Variants in CCDC13 observed in about 807,000 individuals in gnomAD.
The protein encoded by CCDC13 is coiled-coil domain containing 13.
A neutral mutation model predicts 87.3 loss-of-function variants in CCDC13; 70 were observed. The observed-to-expected ratio is 0.80, with a 90% CI of 0.66 to 0.98. The LOEUF is 0.98. Among genes scored for constraint, CCDC13 ranks in the 50% least tolerant of loss-of-function variants. The pLI, the probability that CCDC13 is intolerant of heterozygous loss-of-function variation, is 0.00. For missense variants in CCDC13, 842 were observed against 892.0 expected (o/e 0.94, Z 0.71); for synonymous variants, 317 against 360.3 (o/e 0.88, Z 1.36).
At chr3:42,761,183 T>C (rs1410601899) in intron 1 of CCDC13, among the ~76,000 whole-genome samples, 1 of 152,190 alleles carries the variant, frequency 6.6e-6, no homozygotes, top group Admixed American at 6.5e-5. Context: ...ATCCAATTAA[T>C]CATAAATCTT....
At position 42,757,091 on chromosome 3, in the gene CCDC13, T is replaced by C; in HGVS notation, c.345A>G (p.Ile115Met). 1 of 1,614,192 alleles carries C rather than the reference T, an allele frequency of 6.2e-7. No individual in the cohort carries two copies. The highest frequency in any genetic ancestry group is 8.5e-7 in the Non-Finnish European group (1 of 1,180,014). The change falls in exon 3 of 16, where the codon ATA (isoleucine) becomes ATG (methionine). Residue 115 changes from isoleucine (I) to methionine (M), a missense_variant. Coordinates refer to ENST00000310232, the MANE Select transcript of CCDC13 (RefSeq NM_144719.4). The stretch of plus-strand genomic sequence containing the variant: ...CTGTGAAGGCAAATCTGTCCTCTTC[T>C]ATTTTCTTTTTGAGGTGTTTGATTT... ...DFEIKHLKKK[I>M]EEDRFAFTGT...
In CCDC13 at chr3:42,739,869, G is replaced by A. The variant is rs78077670; in HGVS notation, c.988-59C>T. On this transcript the variant is annotated intron_variant, in intron 8 of 15. Transcript: ENST00000310232. The stretch of plus-strand genomic sequence containing the variant: ...GCTGTGTGGGACCTTGGCCACATCT[G>A]CTCCCTGGCTCCTACTCAATGGCAA... The A allele has an allele frequency of 1.2e-3, 1,839 of 1,500,584 alleles. 36 individuals are homozygous for A. In the East Asian group the frequency reaches 0.032, roughly 26 times the overall value. 93.0% of individuals were successfully genotyped at this position (1,500,584 alleles called of 1,614,324 possible). A position where few individuals can be genotyped will look rare whatever the true frequency, so the allele number is the denominator to read the frequency against.
At chr3:42,743,384 ATATTTATTTATTTATTTATTTATT>A (rs66840281) in intron 7 of CCDC13, among the ~76,000 whole-genome samples, 78 of 131,776 alleles carry the variant, frequency 5.9e-4, no homozygotes, top group African/African-American at 2.2e-3. Flanking sequence ...TCAAGAAAGA[ATATTTATTTATTTATTTATTTATT>A]TATTTATTTA....
intron 1 of CCDC13, among the ~76,000 whole-genome samples, chr3:42,772,477 C>T (rs766809554): frequency 6.6e-6 from 1 of 152,016 alleles, no homozygotes; most frequent in Non-Finnish European, 1.5e-5. Flanking sequence ...ACCCCTTGCC[C>T]CATCGGCCTG....
chr3:42,773,074 C>CGCGCTCGGGCTGGGGTT (rs1245837992), intron 1 of CCDC13, 102 bp downstream of exon 1: 1 of 152,232 alleles, frequency 6.6e-6, no homozygotes, highest in Non-Finnish European at 1.5e-5. Flanking sequence ...CCAGTGGCAG[C>CGCGCTCGGGCTGGGGTT]GCGCTCGGGC....
At chr3:42,736,354 G>A (rs948193361) in intron 9 of CCDC13, among the ~76,000 whole-genome samples, 2 of 152,180 alleles carry the variant, frequency 1.3e-5, no homozygotes, top group Non-Finnish European at 2.9e-5. Flanking sequence ...AGACTCCTGG[G>A]CAAAGGCTTC....
rs140850059 is a variant in CCDC13, at chr3:42,758,132, C to G, written c.214G>C (p.Glu72Gln). 1.2e-6 allele frequency: 2 copies of G among 1,613,630 alleles called. No homozygotes were observed. The highest frequency in any genetic ancestry group is 2.2e-5 in the East Asian group (1 of 44,864). Residue 72 changes from glutamate (E) to glutamine (Q), a missense_variant, in exon 2 of 16, where the codon GAG (glutamate) becomes CAG (glutamine). Glu to Gln is a conservative substitution (Grantham distance 29, BLOSUM62 2). Coordinates refer to ENST00000310232, the MANE Select transcript of CCDC13 (RefSeq NM_144719.4). ...AGEPNSKNSF[E>Q]KRVLEDEIEH... ...TTTCAAACTTGCATTTACCTCTTCTCAAAGCTATTTTTCGAGTTTGGCTCC... is the reference window on the plus strand; with the variant it reads ...TTTCAAACTTGCATTTACCTCTTCTGAAAGCTATTTTTCGAGTTTGGCTCC...
chr3:42,723,070 T>G (rs1253825773), intron 13 of CCDC13, among the ~76,000 whole-genome samples: 5 of 152,156 alleles, frequency 3.3e-5, no homozygotes, highest in Non-Finnish European at 7.4e-5. Flanking sequence ...GTGCTGGGAT[T>G]ACAGGCGTGA....
chr3:42,772,706 C>G (rs1047703937), intron 1 of CCDC13, among the ~76,000 whole-genome samples: 1 of 152,074 alleles, frequency 6.6e-6, no homozygotes, highest in Admixed American at 6.6e-5. Context: ...GGCTGGACTC[C>G]GGGCTTGGAG....
intron 9 of CCDC13, among the ~76,000 whole-genome samples, chr3:42,736,768 C>G (rs1405364449): frequency 6.6e-6 from 1 of 152,036 alleles, no homozygotes; most frequent in Non-Finnish European, 1.5e-5. Context: ...CCCAGCCAAG[C>G]CAGACATGAT....
chr3:42,746,995 A>G (rs1283436228), intron 6 of CCDC13: 1 of 577,316 alleles, frequency 1.7e-6, no homozygotes, highest in Non-Finnish European at 3.1e-6. Context: ...CTCAGTCTAG[A>G]GCTGGGCAGG....
At position 42,707,680 on chromosome 3, in the gene CCDC13, G is replaced by A. The variant is rs1392007012; in HGVS notation, c.*1300C>T. ...CACAAGTGGCTATGTCTTCACGTGTGGGAATGTGTGTCCACATCCACATGT... is the reference window on the plus strand; with the variant it reads ...CACAAGTGGCTATGTCTTCACGTGTAGGAATGTGTGTCCACATCCACATGT... On this transcript the variant is annotated 3_prime_UTR_variant, in exon 16 of 16. Coordinates refer to ENST00000310232, the MANE Select transcript of CCDC13 (RefSeq NM_144719.4). Among the ~76,000 whole-genome samples the A allele has an allele frequency of 6.6e-6, 1 of 152,242 alleles. No homozygotes were observed. Among genetic ancestry groups the A allele is most frequent in the African/African-American group, 2.4e-5 (1 of 41,472 alleles).
Position 42,709,075 on chromosome 3 carries a change from T to A in CCDC13, c.2053A>T (p.Lys685Ter). Residue 685 changes from lysine to a stop codon, truncating the protein, a stop_gained, in exon 16 of 16, where the codon AAG becomes TAG. Transcript: ENST00000310232. LOFTEE classifies it high-confidence loss of function. ...TGGTACATCCGGAAGTCCTCCTCCTTTCCCCGCAGGGCACTGCCCAGGGCA... is the reference window on the plus strand; with the variant it reads ...TGGTACATCCGGAAGTCCTCCTCCTATCCCCGCAGGGCACTGCCCAGGGCA... ...KAALGSALRG[K>*]EEDFRMYHEI... The A allele has an allele frequency of 6.2e-7, 1 of 1,613,952 alleles. No homozygotes were observed. The highest frequency in any genetic ancestry group is 8.5e-7 in the Non-Finnish European group (1 of 1,179,886).
chr3:42,715,705 T>C (rs1698415998), intron 13 of CCDC13, among the ~76,000 whole-genome samples: 1 of 152,254 alleles, frequency 6.6e-6, no homozygotes, highest in South Asian at 2.1e-4. Flanking sequence ...TAAACTGTAT[T>C]GGTCAGTGCA....
intron 8 of CCDC13, among the ~76,000 whole-genome samples, chr3:42,742,525 AGCC>A (rs1699253291): frequency 6.6e-6 from 1 of 152,154 alleles, no homozygotes; most frequent in South Asian, 2.1e-4. Context: ...TGTTGAGTCC[AGCC>A]TGCCTACCTC....
At chr3:42,734,850 G>T (rs1698954686) in intron 10 of CCDC13, among the ~76,000 whole-genome samples, 1 of 152,226 alleles carries the variant, frequency 6.6e-6, no homozygotes, top group South Asian at 2.1e-4. Context: ...ACTCCTAGCA[G>T]CCCCAAGCTG....
chr3:42,723,682 T>A (rs1468251839), intron 13 of CCDC13, among the ~76,000 whole-genome samples: 1 of 152,186 alleles, frequency 6.6e-6, no homozygotes, highest in African/African-American at 2.4e-5. Context: ...ATCCTTCCAA[T>A]AGATACTGAA....
intron 10 of CCDC13, 93 bp from the exon 11 acceptor site, chr3:42,733,702 A>G: frequency 1.4e-6 from 2 of 1,463,104 alleles, no homozygotes; most frequent in Non-Finnish European, 1.8e-6. Flanking sequence ...CGGGGCTTTC[A>G]GAGGATATGA....
At chr3:42,711,868 G>T (rs1440851683) in intron 14 of CCDC13, among the ~76,000 whole-genome samples, 1 of 152,200 alleles carries the variant, frequency 6.6e-6, no homozygotes. Flanking sequence ...TCACTGTCCA[G>T]CAGGGAACAA....
Sources: gnomAD v4.1 joint callset for allele counts (sites outside exome capture counted in the v4.1 genomes callset) on GRCh38, gnomAD v4.1.1 for gene constraint, MANE v1.5 for transcripts, NCBI Gene and HGNC (gene_info 2026-07-23, HGNC 2026-07-21) for gene names.